Variants in ADAMTSL1 observed in about 807,000 individuals in gnomAD.
ADAMTSL1 encodes the protein ADAMTS-like protein 1.
Under a neutral mutation model 201.8 loss-of-function variants are expected in ADAMTSL1, and 126 were observed. The observed-to-expected ratio is 0.62, with a 90% confidence interval of 0.54 to 0.72. ADAMTSL1 has a LOEUF of 0.72. ADAMTSL1 is among the 30% of genes least tolerant of loss of function. The pLI, the probability that ADAMTSL1 is intolerant of heterozygous loss-of-function variation, is 0.00. For synonymous variants in ADAMTSL1, 1,121 were observed against 903.4 expected, an observed-to-expected ratio of 1.24 and a Z score of -4.32; for missense variants, 2,679 against 2,277.8, an observed-to-expected ratio of 1.18 and a Z score of -3.59.
intron 1 of ADAMTSL1, among the ~76,000 whole-genome samples, chr9:18,075,704 C>T (rs1176979786): frequency 6.6e-6 from 1 of 152,162 alleles, no homozygotes; most frequent in East Asian, 1.9e-4. Context: ...AAGTAACATC[C>T]TTGGCCCCAA....
chr9:18,343,426 A>G (rs1191353651), intron 2 of ADAMTSL1, among the ~76,000 whole-genome samples: 1 of 152,124 alleles, frequency 6.6e-6, no homozygotes, highest in Non-Finnish European at 1.5e-5. Context: ...TGATCAATGA[A>G]GTGAGTATCA....
At chr9:18,845,773 A>C (rs527953527) in intron 23 of ADAMTSL1, among the ~76,000 whole-genome samples, 1 of 152,362 alleles carries the variant, frequency 6.6e-6, no homozygotes, top group Non-Finnish European at 1.5e-5. Context: ...TCTTTCTCCA[A>C]CACTGAGGTT....
At chr9:18,735,324 C>T (rs1388335049) in intron 15 of ADAMTSL1, among the ~76,000 whole-genome samples, 2 of 152,150 alleles carry the variant, frequency 1.3e-5, no homozygotes, top group African/African-American at 4.8e-5. Flanking sequence ...TTCTGAGTTC[C>T]GTGAAACTAG....
intron 4 of ADAMTSL1, among the ~76,000 whole-genome samples, chr9:18,588,992 C>G (rs893838889): frequency 6.7e-6 from 1 of 149,156 alleles, no homozygotes; most frequent in African/African-American, 2.5e-5. Context: ...TCACTGCAAC[C>G]TCCACCCCTT....
chr9:18,572,163 C>G (rs1245044561), intron 3 of ADAMTSL1, among the ~76,000 whole-genome samples: 9 of 151,778 alleles, frequency 5.9e-5, no homozygotes, highest in Admixed American at 5.2e-4. Context: ...CCACTACACT[C>G]CACCCGGGGA....
chr9:18,052,131 C>T (rs1821966462), intron 1 of ADAMTSL1, among the ~76,000 whole-genome samples: 1 of 152,222 alleles, frequency 6.6e-6, no homozygotes. Flanking sequence ...TTGTGAAAAT[C>T]ATTGTCATAC....
At chr9:18,338,072 C>G (rs1263042045) in intron 2 of ADAMTSL1, among the ~76,000 whole-genome samples, 3 of 152,130 alleles carry the variant, frequency 2.0e-5, no homozygotes, top group African/African-American at 7.2e-5. Context: ...TTGTTGATTA[C>G]TTTCACTGTG....
intron 2 of ADAMTSL1, among the ~76,000 whole-genome samples, chr9:18,386,440 T>A (rs1837793109): frequency 6.6e-6 from 1 of 152,194 alleles, no homozygotes; most frequent in Admixed American, 6.6e-5. Context: ...TCAGAATTAC[T>A]TCTGTGTTCC....
intron 1 of ADAMTSL1, among the ~76,000 whole-genome samples, chr9:18,002,262 A>AT (rs915643835): frequency 6.6e-6 from 1 of 151,954 alleles, no homozygotes; most frequent in Admixed American, 6.6e-5. Flanking sequence ...GGTAGCCTCC[A>AT]TTTTTTCACA....
chr9:18,704,010 G>A (rs1218451997), intron 13 of ADAMTSL1, among the ~76,000 whole-genome samples: 2 of 151,930 alleles, frequency 1.3e-5, no homozygotes, highest in African/African-American at 4.8e-5. Context: ...TATGTGAAAA[G>A]AGATGGAAAC....
intron 23 of ADAMTSL1, among the ~76,000 whole-genome samples, chr9:18,838,464 A>C (rs560076283): frequency 6.6e-6 from 1 of 151,388 alleles, no homozygotes. Context: ...AAAAGCTCTA[A>C]AGAGCCTGGA....
intron 4 of ADAMTSL1, among the ~76,000 whole-genome samples, chr9:18,605,654 G>A (rs1482940740): frequency 2.0e-5 from 3 of 152,096 alleles, no homozygotes; most frequent in Non-Finnish European, 4.4e-5. Context: ...CCCTCATTTT[G>A]TAACTGCATC....
chr9:18,168,205 C>T (rs1023871421), intron 2 of ADAMTSL1, among the ~76,000 whole-genome samples: 3 of 152,032 alleles, frequency 2.0e-5, no homozygotes, highest in African/African-American at 7.2e-5. Context: ...TGTTGGTGTG[C>T]TGCACCCATT....
At chr9:18,163,389 G>C (rs144065537) in intron 1 of ADAMTSL1, among the ~76,000 whole-genome samples, 214 of 152,122 alleles carry the variant, frequency 1.4e-3, no homozygotes, top group African/African-American at 5.1e-3. Flanking sequence ...TAAAGCACTT[G>C]AATAGCCCAG....
intron 1 of ADAMTSL1, among the ~76,000 whole-genome samples, chr9:18,099,224 AC>A (rs1048633686): frequency 6.0e-4 from 87 of 144,262 alleles, no homozygotes; most frequent in African/African-American, 2.2e-3. Context: ...CAAATATGTT[AC>A]TCTATTTTTG....
At chr9:18,688,118 G>A (rs940446891) in intron 13 of ADAMTSL1, among the ~76,000 whole-genome samples, 1 of 142,702 alleles carries the variant, frequency 7.0e-6, no homozygotes, top group Non-Finnish European at 1.5e-5. Context: ...ATGTATGTAT[G>A]TATATATATA....
intron 1 of ADAMTSL1, among the ~76,000 whole-genome samples, chr9:18,029,667 C>T (rs1449884948): frequency 6.6e-6 from 1 of 151,898 alleles, no homozygotes; most frequent in Non-Finnish European, 1.5e-5. Flanking sequence ...GGGCTAATAT[C>T]CAGAATCTAC....
At chr9:18,326,995 C>G (rs1265823209) in intron 2 of ADAMTSL1, among the ~76,000 whole-genome samples, 2 of 152,032 alleles carry the variant, frequency 1.3e-5, no homozygotes, top group Non-Finnish European at 1.5e-5. Flanking sequence ...AATAAAAAGC[C>G]AATAGAATTT....
chr9:18,255,190 A>G (rs80108336), intron 2 of ADAMTSL1, among the ~76,000 whole-genome samples: 1 of 152,166 alleles, frequency 6.6e-6, no homozygotes, highest in Non-Finnish European at 1.5e-5. Context: ...CTGTCAAGGG[A>G]TGAAAGCTGA....
Sources: gnomAD v4.1 joint callset for allele counts (sites outside exome capture counted in the v4.1 genomes callset) on GRCh38, gnomAD v4.1.1 for gene constraint, MANE v1.5 for transcripts, NCBI Gene and HGNC (gene_info 2026-07-23, HGNC 2026-07-21) for gene names.